Variants in PFKFB3 observed in about 807,000 individuals in gnomAD.
PFKFB3 encodes 6-phosphofructo-2-kinase/fructose-2,6-biphosphatase 3, also known as 6-phosphofructo-2-kinase/fructose-2,6-bisphosphatase 3.
In PFKFB3, 33 loss-of-function variants were observed where a neutral mutation model predicts 68.0. That is an observed-to-expected ratio of 0.49 (90% CI 0.37 to 0.65). The LOEUF is 0.65. Ranked by LOEUF, PFKFB3 falls within the 30% of genes least tolerant of loss-of-function variation. The probability of loss-of-function intolerance (pLI) is 0.00; values close to 1 mark genes in which losing one functional copy is unlikely to be tolerated. For missense variants in PFKFB3, 586 were observed against 712.2 expected, an observed-to-expected ratio of 0.82 and a Z score of 2.02; for synonymous variants, 315 against 288.2, an observed-to-expected ratio of 1.09 and a Z score of -0.94.
chr10:6,265,945 C>G, the PFKFB3 span, among the ~76,000 whole-genome samples: 1 of 150,612 alleles, frequency 6.6e-6, no homozygotes, highest in South Asian at 2.1e-4. Flanking sequence ...GGGTCTAGTT[C>G]TGTTACGTAG....
chr10:6,160,718 CAAAAAA>C (rs538580465), intron 1 of PFKFB3, among the ~76,000 whole-genome samples: 2 of 78,684 alleles, frequency 2.5e-5, no homozygotes, highest in Non-Finnish European at 4.5e-5. Context: ...GACTCTGTCT[CAAAAAA>C]AAAAAAAAAA....
At chr10:6,183,363 TTC>T (rs1273154579) in intron 1 of PFKFB3, among the ~76,000 whole-genome samples, 1 of 152,098 alleles carries the variant, frequency 6.6e-6, no homozygotes, top group Non-Finnish European at 1.5e-5. Context: ...TCCACTAGGA[TTC>T]TGTTTACTAA....
At chr10:6,146,362 C>A (rs921985341) in intron 1 of PFKFB3, 6 of 1,534,866 alleles carry the variant, frequency 3.9e-6, no homozygotes, top group African/African-American at 1.4e-5. Context: ...ACTCTCCTGT[C>A]CCGTTGGGGT....
chr10:6,274,048 T>A, the PFKFB3 span, among the ~76,000 whole-genome samples: 1 of 151,732 alleles, frequency 6.6e-6, no homozygotes, highest in African/African-American at 2.4e-5. Flanking sequence ...CTACAAAAAA[T>A]AAAATAGCTG....
At chr10:6,207,732 G>C (rs912567386) in intron 1 of PFKFB3, among the ~76,000 whole-genome samples, 1 of 152,242 alleles carries the variant, frequency 6.6e-6, no homozygotes, top group Non-Finnish European at 1.5e-5. Flanking sequence ...GGGATGCCCT[G>C]TTGCTACATC....
intron 1 of PFKFB3, among the ~76,000 whole-genome samples, chr10:6,176,599 T>G (rs1260741527): frequency 6.6e-6 from 1 of 152,188 alleles, no homozygotes; most frequent in African/African-American, 2.4e-5. Flanking sequence ...TTGTCCAGGC[T>G]GTTCTTGAAC....
chr10:6,237,065 C>A (rs985337045), downstream of PFKFB3, among the ~76,000 whole-genome samples: 13 of 152,244 alleles, frequency 8.5e-5, no homozygotes, highest in Non-Finnish European at 4.4e-5. Flanking sequence ...TGCCAACGTG[C>A]ACCCACCGCA....
At chr10:6,242,038 GT>G (rs1846153743) in intron 14 of PFKFB3, among the ~76,000 whole-genome samples, 1 of 151,928 alleles carries the variant, frequency 6.6e-6, no homozygotes, top group Admixed American at 6.6e-5. Context: ...GTGGAGTTGG[GT>G]GTCACTATTT....
intron 14 of PFKFB3, chr10:6,245,974 A>G (rs1349693640): frequency 3.9e-5 from 6 of 152,244 alleles, no homozygotes; most frequent in Admixed American, 6.5e-5. Context: ...GCTAACTGAT[A>G]AGAAGACAAT....
chr10:6,221,195 A>T (rs1282788070), intron 8 of PFKFB3, among the ~76,000 whole-genome samples, 186 bp from the exon 9 acceptor site: 1 of 151,950 alleles, frequency 6.6e-6, no homozygotes, highest in Non-Finnish European at 1.5e-5. Context: ...TAGGAAGGGA[A>T]GGGGCAGGAA....
intron 14 of PFKFB3, chr10:6,245,804 T>G (rs1339641906): frequency 6.6e-6 from 1 of 152,228 alleles, no homozygotes; most frequent in East Asian, 1.9e-4. Context: ...ATCAATTAGT[T>G]GTAAGCACTA....
chr10:6,286,796 C>CAA, the PFKFB3 span, among the ~76,000 whole-genome samples: 1 of 152,140 alleles, frequency 6.6e-6, no homozygotes, highest in African/African-American at 2.4e-5. Context: ...ATTGTCCTTG[C>CAA]TGTTGTTTTT....
At chr10:6,268,371 G>T in the PFKFB3 span, among the ~76,000 whole-genome samples, 2 of 152,024 alleles carry the variant, frequency 1.3e-5, no homozygotes, top group Non-Finnish European at 2.9e-5. Context: ...ATTATATAAG[G>T]CTAGGCACGG....
At chr10:6,323,734 T>C in the PFKFB3 span, among the ~76,000 whole-genome samples, 1 of 152,146 alleles carries the variant, frequency 6.6e-6, no homozygotes, top group African/African-American at 2.4e-5. Flanking sequence ...AGCCAATGAC[T>C]GTTATCAAAA....
intron 1 of PFKFB3, among the ~76,000 whole-genome samples, chr10:6,165,250 A>G (rs1441850574): frequency 2.0e-5 from 3 of 152,240 alleles, no homozygotes; most frequent in Admixed American, 2.0e-4. Flanking sequence ...CATATTGTTA[A>G]CAAGGCACAT....
intron 1 of PFKFB3, among the ~76,000 whole-genome samples, chr10:6,204,678 C>G (rs1843572061): frequency 6.6e-6 from 1 of 152,246 alleles, no homozygotes; most frequent in African/African-American, 2.4e-5. Flanking sequence ...GTCAGATGCG[C>G]TTGAACTGGG....
chr10:6,291,547 C>G, the PFKFB3 span, among the ~76,000 whole-genome samples: 2 of 143,516 alleles, frequency 1.4e-5, no homozygotes, highest in African/African-American at 5.3e-5. Flanking sequence ...ATAAGTGAGA[C>G]TCTGTCTCAA....
chr10:6,221,042 TATGG>T (rs1844922403), intron 8 of PFKFB3, among the ~76,000 whole-genome samples, 177 bp downstream of exon 8: 1 of 27,158 alleles, frequency 3.7e-5, no homozygotes, highest in Non-Finnish European at 1.9e-4. Context: ...TGCATCTCTG[TATGG>T]CTCTGTGTGT....
chr10:6,145,813 C>G (rs1232401916), intron 1 of PFKFB3, among the ~76,000 whole-genome samples: 11 of 151,334 alleles, frequency 7.3e-5, no homozygotes, highest in African/African-American at 2.7e-4. Flanking sequence ...TTCCGCCCTG[C>G]GTGCCAGAAA....
Sources: gnomAD v4.1 joint callset for allele counts (sites outside exome capture counted in the v4.1 genomes callset) on GRCh38, gnomAD v4.1.1 for gene constraint, MANE v1.5 for transcripts, NCBI Gene and HGNC (gene_info 2026-07-23, HGNC 2026-07-21) for gene names.